Variants in ABCA13 observed in about 807,000 individuals in gnomAD.
ABCA13 encodes the protein ATP-binding cassette sub-family A member 13.
A neutral mutation model predicts 478.7 loss-of-function variants in ABCA13; 476 were observed. That is an observed-to-expected ratio of 0.99 (90% confidence interval 0.92 to 1.07). ABCA13 has a LOEUF of 1.07. ABCA13 is among the 50% of genes least tolerant of loss of function. The pLI is 0.00. For synonymous variants in ABCA13, 2,252 were observed against 2,158.9 expected (o/e 1.04, Z -1.20); for missense variants, 6,060 against 5,910.6 (o/e 1.03, Z -0.83).
intron 42 of ABCA13, among the ~76,000 whole-genome samples, chr7:48,429,231 A>C (rs1821819741): frequency 6.6e-6 from 1 of 152,188 alleles, no homozygotes; most frequent in South Asian, 2.1e-4. Flanking sequence ...TTACTATTGC[A>C]AATATACTAT....
intron 3 of ABCA13, among the ~76,000 whole-genome samples, chr7:48,208,921 T>A (rs555249380): frequency 6.6e-6 from 1 of 152,200 alleles, no homozygotes; most frequent in East Asian, 1.9e-4. Flanking sequence ...CTGTTCAGTA[T>A]GCTAGTAGCT....
intron 48 of ABCA13, among the ~76,000 whole-genome samples, chr7:48,489,966 A>G (rs961071585): frequency 6.6e-6 from 1 of 152,242 alleles, no homozygotes; most frequent in Non-Finnish European, 1.5e-5. Flanking sequence ...AACAAGAAGT[A>G]TAAGCAACAG....
At chr7:48,581,852 A>G (rs1221406678) in intron 56 of ABCA13, among the ~76,000 whole-genome samples, 1 of 152,184 alleles carries the variant, frequency 6.6e-6, no homozygotes, top group Non-Finnish European at 1.5e-5. Flanking sequence ...TTTCCAAAGG[A>G]GTTAGCTCCT....
Position 48,276,417 on chromosome 7 carries a change from A to G in ABCA13, c.6751A>G (p.Arg2251Gly), listed in dbSNP as rs1796314989. The part of the protein sequence containing the change: ...ILNHMQSETS[R>G]KTVLSLRSIV... ...GAACCATATGCAGTCAGAAACTAGT[A>G]GGAAAACAGTTCTCTCTCTGAGAAG... The change falls in exon 17 of 62, where the codon AGG (arginine) becomes GGG (glycine). Residue 2251 changes from arginine (R) to glycine (G), a missense_variant. Physicochemically the swap from Arg to Gly is moderately radical, Grantham distance 125 (BLOSUM62 -2). Coordinates refer to ENST00000435803, the MANE Select transcript of ABCA13 (RefSeq NM_152701.5). 3 of 1,564,996 alleles carry G rather than the reference A, an allele frequency of 1.9e-6. No homozygotes were observed. The highest frequency in any genetic ancestry group is 1.7e-6 in the Non-Finnish European group (2 of 1,157,380).
intron 59 of ABCA13, among the ~76,000 whole-genome samples, chr7:48,639,508 C>T (rs1317215104): frequency 2.0e-5 from 3 of 152,154 alleles, no homozygotes; most frequent in Admixed American, 6.5e-5. Flanking sequence ...GAGAGCTTAA[C>T]GTGAGACCAC....
chr7:48,455,061 C>A lies in ABCA13; in HGVS notation c.12590C>A (p.Thr4197Asn). 6.5e-7 allele frequency: 1 copy of A among 1,537,522 alleles called. No individual in the cohort carries two copies. The highest frequency in any genetic ancestry group is 8.7e-7 in the Non-Finnish European group (1 of 1,143,268). The change falls in exon 43 of 62, where the codon ACT (threonine) becomes AAT (asparagine). Residue 4197 changes from threonine to asparagine, a missense_variant. Around this residue, in one of 3 missense-constraint regions of ABCA13, gnomAD observed 1,627 missense variants for 1,571.0 expected, o/e 1.04. Transcript: ENST00000435803. Reference sequence around the variant, plus strand: ...GGTGGCTCCCTAGCACGGCCCGCAACTGTGCAGGGCGTCCAGCTGCTCCGC... The same window carrying A: ...GGTGGCTCCCTAGCACGGCCCGCAAATGTGCAGGGCGTCCAGCTGCTCCGC... ...GYCGSLARPA[T>N]VQGVQLLRAQ...
chr7:48,250,591 T>C (rs933135924), intron 15 of ABCA13, among the ~76,000 whole-genome samples: 1 of 152,154 alleles, frequency 6.6e-6, no homozygotes, highest in Non-Finnish European at 1.5e-5. Context: ...AGACCAAATA[T>C]ATATGTATGT....
chr7:48,422,924 A>G (rs1232430310), intron 41 of ABCA13, among the ~76,000 whole-genome samples: 2 of 152,216 alleles, frequency 1.3e-5, no homozygotes, highest in Non-Finnish European at 2.9e-5. Flanking sequence ...GCCAAACAAT[A>G]TTGGCAGCCA....
At chr7:48,546,517 C>T (rs4295610) in intron 55 of ABCA13, among the ~76,000 whole-genome samples, 21,255 of 151,508 alleles carry the variant, frequency 0.14, 2,050 homozygotes, top group African/African-American at 0.23. Context: ...GCGCTATGAT[C>T]GTGTGTTAGA....
intron 55 of ABCA13, among the ~76,000 whole-genome samples, chr7:48,563,005 G>T (rs773240458): frequency 2.0e-5 from 3 of 151,776 alleles, no homozygotes; most frequent in Non-Finnish European, 4.4e-5. Flanking sequence ...TATTATGTGT[G>T]TATATATATT....
intron 3 of ABCA13, among the ~76,000 whole-genome samples, chr7:48,200,260 G>A (rs560693003): frequency 1.3e-5 from 2 of 152,136 alleles, no homozygotes; most frequent in Non-Finnish European, 2.9e-5. Flanking sequence ...CCAGCTATTC[G>A]GGAGGCCGAG....
At chr7:48,475,425 G>A (rs1173762472) in intron 45 of ABCA13, among the ~76,000 whole-genome samples, 1 of 150,618 alleles carries the variant, frequency 6.6e-6, no homozygotes, top group Admixed American at 6.6e-5. Flanking sequence ...GTGCTATCCA[G>A]CAGCCCTGGG....
At chr7:48,398,871 C>A (rs1220465453) in intron 38 of ABCA13, among the ~76,000 whole-genome samples, 2 of 152,018 alleles carry the variant, frequency 1.3e-5, no homozygotes, top group African/African-American at 2.4e-5. Context: ...AGAAAACAGC[C>A]AAGCAGGCAA....
At chr7:48,229,764 T>C in intron 6 of ABCA13, 61 bp from the exon 7 acceptor site, 2 of 1,597,618 alleles carry the variant, frequency 1.3e-6, no homozygotes, top group Non-Finnish European at 1.7e-6. Context: ...AACCTAGAAT[T>C]GATGCTACTT....
intron 55 of ABCA13, among the ~76,000 whole-genome samples, chr7:48,530,136 G>A (rs1254479069): frequency 6.6e-6 from 1 of 151,914 alleles, no homozygotes. Context: ...TCATTCTTAT[G>A]CCTTTGTGTC....
chr7:48,417,328 T>C (rs41329345), intron 41 of ABCA13, among the ~76,000 whole-genome samples: 28,955 of 152,060 alleles, frequency 0.19, 2,921 homozygotes, highest in Middle Eastern at 0.23. Flanking sequence ...AGAAACCCAG[T>C]GCCTTCTAGT....
chr7:48,244,410 A>G (rs1207452733), intron 10 of ABCA13, among the ~76,000 whole-genome samples, 166 bp from the exon 11 acceptor site: 3 of 152,220 alleles, frequency 2.0e-5, no homozygotes, highest in Admixed American at 6.5e-5. Context: ...AGGTGACTCA[A>G]TGCAATTTGT....
chr7:48,596,606 C>T (rs1790305617), intron 58 of ABCA13, among the ~76,000 whole-genome samples: 2 of 152,142 alleles, frequency 1.3e-5, no homozygotes, highest in South Asian at 4.2e-4. Context: ...GTCAGGAGAT[C>T]AAGACCATGG....
chr7:48,491,182 A>C (rs1243660217), intron 48 of ABCA13, among the ~76,000 whole-genome samples: 1 of 152,228 alleles, frequency 6.6e-6, no homozygotes, highest in African/African-American at 2.4e-5. Flanking sequence ...GTTCACATAC[A>C]TAGATGAAAA....
Sources: allele counts gnomAD v4.1 joint callset (sites outside exome capture counted in the v4.1 genomes callset), GRCh38; gene constraint gnomAD v4.1.1; regional missense constraint gnomAD v4.1.1; transcripts MANE v1.5; gene names NCBI Gene and HGNC (gene_info 2026-07-23, HGNC 2026-07-21).